Variants in WWOX observed in about 807,000 individuals in gnomAD.
WWOX encodes WW domain containing oxidoreductase.
In WWOX, 69 loss-of-function variants were observed where a neutral mutation model predicts 46.2. The observed-to-expected ratio is 1.49, with a 90% CI of 1.23 to 1.82. The LOEUF (loss-of-function observed/expected upper bound fraction) is 1.82, where lower values mean the gene tolerates loss of function less well. Ranked by LOEUF, WWOX falls within the 40% of genes most tolerant of loss-of-function variation. The pLI is 0.00. For synonymous variants in WWOX, 359 were observed against 202.6 expected, an observed-to-expected ratio of 1.77 and a Z score of -6.56; for missense variants, 919 against 542.6, an observed-to-expected ratio of 1.69 and a Z score of -6.89.
At chr16:78,489,902 G>A (rs538411374) in intron 8 of WWOX, among the ~76,000 whole-genome samples, 1 of 152,062 alleles carries the variant, frequency 6.6e-6, no homozygotes, top group Non-Finnish European at 1.5e-5. Flanking sequence ...ACAGATAGCC[G>A]GATGATTTTA....
chr16:78,466,858 G>A (rs75908087), intron 8 of WWOX, among the ~76,000 whole-genome samples: 5,019 of 149,108 alleles, frequency 0.034, 171 homozygotes, highest in African/African-American at 0.087. Context: ...AAAAAAAAAA[G>A]CACAAAAAAT....
intron 5 of WWOX, among the ~76,000 whole-genome samples, chr16:78,201,857 G>A (rs1317853251): frequency 1.3e-5 from 2 of 151,852 alleles, no homozygotes; most frequent in East Asian, 3.9e-4. Context: ...GTGCCACCAT[G>A]CCTGGCTAAT....
intron 8 of WWOX, among the ~76,000 whole-genome samples, chr16:78,730,794 C>T (rs1276517433): frequency 1.3e-5 from 2 of 151,932 alleles, no homozygotes; most frequent in African/African-American, 4.8e-5. Flanking sequence ...AAAAAAGTGA[C>T]ACAGTTTTCT....
chr16:78,774,496 TTGTGTGTGTGTGTGTG>T (rs58003207), intron 8 of WWOX, among the ~76,000 whole-genome samples: 41 of 149,504 alleles, frequency 2.7e-4, no homozygotes, highest in Middle Eastern at 3.5e-3. Context: ...CAGACCCATT[TTGTGTGTGTGTGTGTG>T]TGTGTGTGTG....
At chr16:78,916,560 T>C (rs1489867916) in intron 8 of WWOX, among the ~76,000 whole-genome samples, 3 of 152,166 alleles carry the variant, frequency 2.0e-5, no homozygotes, top group Non-Finnish European at 4.4e-5. Flanking sequence ...TGAATACTTC[T>C]GAGAGAGAAA....
intron 8 of WWOX, among the ~76,000 whole-genome samples, chr16:78,638,191 A>G (rs72792790): frequency 7.9e-4 from 120 of 152,308 alleles, no homozygotes; most frequent in Admixed American, 1.6e-3. Context: ...AAAAACAGGA[A>G]TGCTCGATTT....
At chr16:78,475,405 G>T (rs2084328133) in intron 8 of WWOX, among the ~76,000 whole-genome samples, 1 of 152,122 alleles carries the variant, frequency 6.6e-6, no homozygotes, top group Non-Finnish European at 1.5e-5. Context: ...GATAAACTGG[G>T]ATTTGTAAAT....
chr16:78,477,799 C>T (rs755715487), intron 8 of WWOX, among the ~76,000 whole-genome samples: 3 of 152,010 alleles, frequency 2.0e-5, no homozygotes, highest in East Asian at 1.9e-4. Flanking sequence ...GAATTCAAGT[C>T]AAACACATTA....
intron 8 of WWOX, among the ~76,000 whole-genome samples, chr16:79,107,873 C>G (rs769548057): frequency 6.6e-6 from 1 of 152,138 alleles, no homozygotes; most frequent in Non-Finnish European, 1.5e-5. Context: ...GATGATACTA[C>G]AGTTATAGGA....
At chr16:78,438,944 CA>C (rs1265458027) in intron 8 of WWOX, among the ~76,000 whole-genome samples, 1 of 152,134 alleles carries the variant, frequency 6.6e-6, no homozygotes, top group Non-Finnish European at 1.5e-5. Flanking sequence ...TAACCCGCTG[CA>C]GGGTGATTTA....
intron 4 of WWOX, among the ~76,000 whole-genome samples, chr16:78,146,632 A>C (rs1270872576): frequency 6.6e-6 from 1 of 152,144 alleles, no homozygotes; most frequent in Non-Finnish European, 1.5e-5. Flanking sequence ...AAATGTTATC[A>C]AATGAAGAAC....
chr16:78,984,052 G>C (rs574150834), intron 8 of WWOX, among the ~76,000 whole-genome samples: 2 of 151,022 alleles, frequency 1.3e-5, no homozygotes, highest in South Asian at 4.2e-4. Context: ...TATTTTTTTT[G>C]TATTTTTAGT....
chr16:78,254,820 C>T (rs1449371983), intron 5 of WWOX, among the ~76,000 whole-genome samples: 1 of 152,162 alleles, frequency 6.6e-6, no homozygotes, highest in Non-Finnish European at 1.5e-5. Flanking sequence ...TGAACCACCA[C>T]ATCTGGCCAA....
At chr16:78,416,240 G>T (rs765357184) in intron 6 of WWOX, among the ~76,000 whole-genome samples, 5 of 152,118 alleles carry the variant, frequency 3.3e-5, no homozygotes, top group African/African-American at 1.2e-4. Context: ...CATCATCTCA[G>T]AGCCTTTTGA....
rs190415674 is a variant in WWOX at position 78,342,456 on chromosome 16, T to C, written c.517-44404T>C. ...TAACAGGATGAAGCAGCATTTTTTA[T>C]GGGCAGGTTTGCACGTGGCATTTGT... On this transcript the variant is annotated intron_variant, in intron 5 of 8. Transcript: ENST00000566780. Among the ~76,000 whole-genome samples the C allele has an allele frequency of 9.1e-5, 11 of 120,578 alleles. 4 individuals carry two copies. The highest frequency in any genetic ancestry group is 5.6e-4 in the Admixed American group (7 of 12,410). 79.1% of individuals were successfully genotyped at this position (120,578 alleles called of 152,430 possible).
intron 8 of WWOX, among the ~76,000 whole-genome samples, chr16:78,624,242 C>T (rs569866760): frequency 1.3e-4 from 18 of 143,174 alleles, no homozygotes; most frequent in South Asian, 4.4e-4. Context: ...ATGTTCCCTT[C>T]GGAAAACTCC....
chr16:78,375,239 C>G (rs12598722), intron 5 of WWOX, among the ~76,000 whole-genome samples: 10,046 of 152,308 alleles, frequency 0.066, 358 homozygotes, highest in East Asian at 0.12. Context: ...ACTGCATATT[C>G]TGCATACCAA....
chr16:78,398,618 A>G (rs1026902279), intron 6 of WWOX, among the ~76,000 whole-genome samples: 6 of 152,122 alleles, frequency 3.9e-5, no homozygotes, highest in Non-Finnish European at 2.9e-5. Flanking sequence ...TTCTATATTG[A>G]TTTTACTTCA....
At chr16:78,946,552 T>A (rs1014118031) in intron 8 of WWOX, among the ~76,000 whole-genome samples, 1 of 152,014 alleles carries the variant, frequency 6.6e-6, no homozygotes, top group Non-Finnish European at 1.5e-5. Flanking sequence ...ACCAAACCAG[T>A]CTTTCCGCTT....
Sources: gnomAD v4.1 joint callset for allele counts (sites outside exome capture counted in the v4.1 genomes callset) on GRCh38, gnomAD v4.1.1 for gene constraint, MANE v1.5 for transcripts, NCBI Gene and HGNC (gene_info 2026-07-23, HGNC 2026-07-21) for gene names.